Variants in AGBL4 observed in about 807,000 individuals in gnomAD.
The protein encoded by AGBL4 is cytosolic carboxypeptidase 6.
In AGBL4, 58 loss-of-function variants were observed where a neutral mutation model predicts 66.4. The ratio of observed to expected loss-of-function variants is 0.87; its 90% CI spans 0.71 to 1.09. The LOEUF (loss-of-function observed/expected upper bound fraction) is 1.09, where lower values mean the gene tolerates loss of function less well. AGBL4 is among the 50% of genes least tolerant of loss of function. The pLI is 0.00. For synonymous variants in AGBL4, 234 were observed against 222.9 expected, an observed-to-expected ratio of 1.05 and a Z score of -0.44; for missense variants, 579 against 631.0, an observed-to-expected ratio of 0.92 and a Z score of 0.88.
intron 1 of AGBL4, among the ~76,000 whole-genome samples, chr1:49,913,167 G>T (rs1651029569): frequency 1.3e-5 from 2 of 152,276 alleles, no homozygotes; most frequent in South Asian, 4.1e-4. Flanking sequence ...AAGTCTCATA[G>T]AAATCAAATA....
At chr1:49,901,610 C>G (rs1323474273) in intron 1 of AGBL4, among the ~76,000 whole-genome samples, 1 of 152,172 alleles carries the variant, frequency 6.6e-6, no homozygotes, top group East Asian at 1.9e-4. Context: ...AATGACAATA[C>G]TGACCAAAGC....
In AGBL4 at chr1:49,079,995, T is replaced by C. The variant is rs1478442028; in HGVS notation, c.378-34195A>G. 2.0e-5 allele frequency among the ~76,000 whole-genome samples: 3 copies of C among 152,218 alleles called. 1 individual carries two copies. The highest frequency in any genetic ancestry group is 4.8e-5 in the African/African-American group (2 of 41,454). ...AGAGAAGGTATTTTCTGAGCATCTA[T>C]TGTATGCCAGTAACTGTGTTAATTG... On this transcript the variant is annotated intron_variant, in intron 4 of 13. Coordinates refer to ENST00000371839, the MANE Select transcript of AGBL4 (RefSeq NM_032785.4).
intron 1 of AGBL4, among the ~76,000 whole-genome samples, chr1:49,905,836 TTAAAA>T (rs1650220452): frequency 6.6e-6 from 1 of 152,060 alleles, no homozygotes; most frequent in African/African-American, 2.4e-5. Flanking sequence ...ACTGTATATA[TTAAAA>T]TAATAGATTC....
chr1:49,627,917 A>C lies in AGBL4; in HGVS notation c.282+69396T>G, dbSNP rs535505123. On this transcript the variant is annotated intron_variant, in intron 3 of 13. Coordinates refer to ENST00000371839, the MANE Select transcript of AGBL4 (RefSeq NM_032785.4). ...TCAATCCCAGATATACCATTTCCAT[A>C]AGGCAGTTACTTATGACCTCTGATC... is the stretch of plus-strand genomic sequence containing the variant. 8.5e-5 allele frequency among the ~76,000 whole-genome samples: 13 copies of C among 152,226 alleles called. No homozygotes were observed. In the South Asian group the frequency reaches 1.9e-3, roughly 22 times the overall value.
intron 5 of AGBL4, among the ~76,000 whole-genome samples, chr1:48,983,274 C>T (rs1659921683): frequency 6.6e-6 from 1 of 152,010 alleles, no homozygotes; most frequent in South Asian, 2.1e-4. Flanking sequence ...AACAATGGTG[C>T]AGGTAGCAAC....
At chr1:49,393,490 G>A (rs890074838) in intron 3 of AGBL4, among the ~76,000 whole-genome samples, 10 of 152,126 alleles carry the variant, frequency 6.6e-5, no homozygotes, top group Non-Finnish European at 1.5e-4. Flanking sequence ...ACTCTCAAGC[G>A]AGAGAAGCAA....
intron 4 of AGBL4, among the ~76,000 whole-genome samples, chr1:49,217,308 C>T (rs148964266): frequency 2.1e-4 from 32 of 152,120 alleles, no homozygotes; most frequent in African/African-American, 7.2e-4. Context: ...CCCCCATTTA[C>T]GTTTTTCTTT....
intron 6 of AGBL4, chr1:48,742,691 C>T: frequency 5.0e-6 from 8 of 1,611,476 alleles, no homozygotes; most frequent in Non-Finnish European, 6.8e-6. Flanking sequence ...GACGTATTTG[C>T]TTCCTCACTG....
At chr1:48,686,521 G>C (rs17104660) in intron 6 of AGBL4, among the ~76,000 whole-genome samples, 1 of 152,172 alleles carries the variant, frequency 6.6e-6, no homozygotes, top group Admixed American at 6.5e-5. Flanking sequence ...TGTTCAATGA[G>C]AATGTGTTGA....
At chr1:49,223,409 T>C (rs1180630309) in intron 4 of AGBL4, among the ~76,000 whole-genome samples, 1 of 152,176 alleles carries the variant, frequency 6.6e-6, no homozygotes, top group Non-Finnish European at 1.5e-5. Context: ...GGTATATGCA[T>C]AGAAGGTTTT....
At chr1:49,675,789 A>T (rs1646567419) in intron 3 of AGBL4, among the ~76,000 whole-genome samples, 2 of 152,072 alleles carry the variant, frequency 1.3e-5, no homozygotes, top group South Asian at 4.1e-4. Context: ...ATATGATTTA[A>T]AGCCTCCTCC....
chr1:49,064,875 G>A (rs1203402444), intron 4 of AGBL4, among the ~76,000 whole-genome samples: 1 of 152,112 alleles, frequency 6.6e-6, no homozygotes, highest in Non-Finnish European at 1.5e-5. Flanking sequence ...TAAACTAACT[G>A]ATTCTAAAAT....
chr1:49,724,793 GAAA>G (rs1238796596), intron 2 of AGBL4, among the ~76,000 whole-genome samples: 2 of 152,024 alleles, frequency 1.3e-5, no homozygotes, highest in Non-Finnish European at 2.9e-5. Context: ...GTCCCCCAAG[GAAA>G]AATCATGCGA....
chr1:48,660,138 C>T (rs993877967), intron 7 of AGBL4, among the ~76,000 whole-genome samples: 1 of 152,176 alleles, frequency 6.6e-6, no homozygotes, highest in Non-Finnish European at 1.5e-5. Context: ...GATAGTTTGG[C>T]CTCACAGAGG....
rs1346630775 is a variant in AGBL4 at position 49,007,049 on chromosome 1, G to C, written c.594+38535C>G. 3.1e-5 allele frequency among the ~76,000 whole-genome samples: 3 copies of C among 95,402 alleles called. No individual in the cohort carries two copies. The East Asian group carries it at 6.2e-4, about 20-fold the overall frequency. 62.6% of individuals were successfully genotyped at this position (95,402 alleles called of 152,430 possible). Reference sequence around the variant, plus strand: ...GGAGAACGACTTTGACGAGCTGAGAGAAGAAGGCTTCAGACGATCAAATTA... The same window carrying C: ...GGAGAACGACTTTGACGAGCTGAGACAAGAAGGCTTCAGACGATCAAATTA... On this transcript the variant is annotated intron_variant, in intron 5 of 13. Transcript: ENST00000371839.
intron 3 of AGBL4, among the ~76,000 whole-genome samples, chr1:49,299,408 T>G (rs1644703480): frequency 6.6e-6 from 1 of 152,168 alleles, no homozygotes; most frequent in African/African-American, 2.4e-5. Flanking sequence ...GGTATTAAAT[T>G]AGCTACCTCT....
chr1:49,937,246 C>A (rs1441144733), intron 1 of AGBL4, among the ~76,000 whole-genome samples: 1 of 152,138 alleles, frequency 6.6e-6, no homozygotes, highest in Admixed American at 6.5e-5. Flanking sequence ...ACAAAAAAGG[C>A]CATTACATAA....
At chr1:49,536,382 G>C (rs542344729) in intron 3 of AGBL4, among the ~76,000 whole-genome samples, 11 of 152,214 alleles carry the variant, frequency 7.2e-5, no homozygotes, top group African/African-American at 2.6e-4. Context: ...GTGTTCATGT[G>C]CATGTGTGTG....
chr1:49,510,627 CT>C (rs1426282989), intron 3 of AGBL4, among the ~76,000 whole-genome samples: 1 of 151,288 alleles, frequency 6.6e-6, no homozygotes, highest in East Asian at 1.9e-4. Context: ...GTTGCCATTG[CT>C]TTTGGTGTTT....
Sources: gnomAD v4.1 joint callset for allele counts (sites outside exome capture counted in the v4.1 genomes callset) on GRCh38, gnomAD v4.1.1 for gene constraint, MANE v1.5 for transcripts, NCBI Gene and HGNC (gene_info 2026-07-23, HGNC 2026-07-21) for gene names.